The following SPINK13 variants were observed in gnomAD, a reference collection of about 807,000 sequenced individuals.
SPINK13 encodes serine protease inhibitor Kazal-type 13.
SPINK13 carries 11 observed loss-of-function variants against 11.0 expected under a neutral mutation model. The ratio of observed to expected loss-of-function variants is 1.00; its 90% CI spans 0.63 to 1.65. The LOEUF is 1.65. Among genes scored for constraint, SPINK13 ranks in the 40% most tolerant of loss-of-function variants. The pLI is 0.00. For synonymous variants in SPINK13, 31 were observed against 35.6 expected (o/e 0.87, Z 0.46); for missense variants, 113 against 117.7 (o/e 0.96, Z 0.19).
At chr5:148,279,956 T>A (rs1182204749) in intron 3 of SPINK13, among the ~76,000 whole-genome samples, 1 of 152,208 alleles carries the variant, frequency 6.6e-6, no homozygotes, top group African/African-American at 2.4e-5. Flanking sequence ...CATAGTCCCA[T>A]ATTTCTTGGA....
intron 3 of SPINK13, among the ~76,000 whole-genome samples, chr5:148,280,941 CCT>C (rs1161042342): frequency 3.9e-5 from 6 of 152,162 alleles, no homozygotes; most frequent in Admixed American, 3.3e-4. Flanking sequence ...TCTATAAGCC[CCT>C]GACTGGGGCT....
intron 2 of SPINK13, among the ~76,000 whole-genome samples, chr5:148,272,384 A>G (rs562072487): frequency 5.3e-5 from 8 of 152,162 alleles, no homozygotes; most frequent in Non-Finnish European, 8.8e-5. Flanking sequence ...AGATAATAAA[A>G]AAGTTTCAGA....
chr5:148,276,751 C>T lies in SPINK13; in HGVS notation c.108+2367C>T, dbSNP rs539534431. ...TTCTTTTTGCTTAAAATTGTCTTGG[C>T]TGTATGGGCTCTTTTTTGGTTCCAT... On this transcript the variant is annotated intron_variant, in intron 3 of 4. Transcript: ENST00000398450. Among the ~76,000 whole-genome samples the T allele has an allele frequency of 3.9e-5, 6 of 152,260 alleles. No homozygotes were observed. In the South Asian group the frequency reaches 1.2e-3, roughly 32 times the overall value.
rs186840692 is a variant in SPINK13, at chr5:148,284,648, C to A, written c.237-1352C>A. On this transcript the variant is annotated intron_variant, in intron 4 of 4. Transcript: ENST00000398450. ...CGGGGCAAGAAGAATAGTCCTAATG[C>A]TCTTTTGAACAATAGGAGGAGAAGG... Among the ~76,000 whole-genome samples, 100 of 152,216 alleles carry A rather than the reference C, an allele frequency of 6.6e-4. No individual in the cohort carries two copies. The South Asian group carries it at 7.5e-3, about 11-fold the overall frequency.
At chr5:148,281,327 G>A (rs568161821) in intron 3 of SPINK13, among the ~76,000 whole-genome samples, 66 of 151,782 alleles carry the variant, frequency 4.3e-4, no homozygotes, top group African/African-American at 1.6e-3. Flanking sequence ...GCACCCCTGG[G>A]GTATGAAAAA....
At chr5:148,278,997 G>A (rs1449710156) in intron 3 of SPINK13, among the ~76,000 whole-genome samples, 1 of 150,860 alleles carries the variant, frequency 6.6e-6, no homozygotes, top group African/African-American at 2.4e-5. Context: ...TTGTTGTATT[G>A]ATCCCTTTAC....
intron 4 of SPINK13, among the ~76,000 whole-genome samples, chr5:148,283,526 A>G (rs1047064706): frequency 2.6e-5 from 4 of 152,184 alleles, no homozygotes; most frequent in African/African-American, 7.2e-5. Context: ...AGCTTCTAGT[A>G]TCATGCTTTC....
rs1328440020 is a variant in SPINK13 at position 148,279,693 on chromosome 5, C to T, written c.109-2411C>T. On this transcript the variant is annotated intron_variant, in intron 3 of 4. Transcript: ENST00000398450. ...TCTTTCCATGGGTAAACCGACCTTT[C>T]TCTCTGGTTGCCCTTAACATTTTTT... Among the ~76,000 whole-genome samples the T allele has an allele frequency of 5.3e-5, 8 of 152,166 alleles. 1 individual carries two copies. The highest frequency in any genetic ancestry group is 5.2e-4 in the Admixed American group (8 of 15,272).
At chr5:148,274,469 C>G in intron 3 of SPINK13, 85 bp downstream of exon 3, 1 of 1,124,460 alleles carries the variant, frequency 8.9e-7, no homozygotes, top group Non-Finnish European at 1.3e-6. Context: ...CATGGAAAGT[C>G]AGGCACAGTG....
chr5:148,270,022 T>A lies in SPINK13; in HGVS notation c.-33-18T>A. The A allele has an allele frequency of 6.3e-7, 1 of 1,579,622 alleles. No homozygotes were observed. The highest frequency in any genetic ancestry group is 1.3e-5 in the African/African-American group (1 of 74,166). On this transcript the variant is annotated intron_variant, in intron 1 of 4. Coordinates refer to ENST00000398450, the MANE Select transcript of SPINK13 (RefSeq NM_001040129.3). ...TAGCTGTGGGGGAAACTAAAAACAA[T>A]CTTGGGCATGTTCACAGGCCTTATC...
intron 3 of SPINK13, among the ~76,000 whole-genome samples, chr5:148,280,768 C>A (rs1581167809): frequency 6.6e-6 from 1 of 152,180 alleles, no homozygotes; most frequent in African/African-American, 2.4e-5. Context: ...GGTCAGGGAC[C>A]CACTTGAGGA....
intron 4 of SPINK13, among the ~76,000 whole-genome samples, chr5:148,284,434 G>A (rs979653597): frequency 6.6e-6 from 1 of 152,086 alleles, no homozygotes; most frequent in Non-Finnish European, 1.5e-5. Flanking sequence ...GAGCCCTGCT[G>A]GTTAAAATAG....
At chr5:148,277,137 A>T (rs1202487226) in intron 3 of SPINK13, among the ~76,000 whole-genome samples, 1 of 152,162 alleles carries the variant, frequency 6.6e-6, no homozygotes, top group Non-Finnish European at 1.5e-5. Flanking sequence ...GTATCCTGAG[A>T]CTTTGCTGAA....
intron 2 of SPINK13, among the ~76,000 whole-genome samples, chr5:148,271,551 G>C (rs1756350498): frequency 6.6e-6 from 1 of 151,648 alleles, no homozygotes; most frequent in African/African-American, 2.4e-5. Flanking sequence ...TTTTAATATA[G>C]TCTTTTATTT....
intron 3 of SPINK13, among the ~76,000 whole-genome samples, chr5:148,280,207 C>T (rs953488537): frequency 2.6e-5 from 4 of 152,060 alleles, no homozygotes; most frequent in African/African-American, 9.7e-5. Flanking sequence ...AGGTTCTTAG[C>T]TTTCTTGCTT....
Position 148,286,189 on chromosome 5 carries a change from G to GATTA in SPINK13, c.*141_*142insATTA. On this transcript the variant is annotated 3_prime_UTR_variant, in exon 5 of 5. Coordinates refer to ENST00000398450, the MANE Select transcript of SPINK13 (RefSeq NM_001040129.3). The stretch of plus-strand genomic sequence containing the variant: ...GAACAAAATGAGAGACAAAAATGAA[G>GATTA]GAATCAAACTGACAAGAACCAAATA... The GATTA allele has an allele frequency of 2.2e-6, 1 of 451,308 alleles. No individual in the cohort carries two copies. 28.0% of individuals were successfully genotyped at this position (451,308 alleles called of 1,614,324 possible). A position where few individuals can be genotyped will look rare whatever the true frequency, so the allele number is the denominator to read the frequency against.
At chr5:148,270,451 AT>A (rs1756334147) in intron 2 of SPINK13, among the ~76,000 whole-genome samples, 1 of 152,120 alleles carries the variant, frequency 6.6e-6, no homozygotes, top group Non-Finnish European at 1.5e-5. Flanking sequence ...AAAATGATGC[AT>A]TTTCTTATGG....
intron 3 of SPINK13, among the ~76,000 whole-genome samples, chr5:148,279,659 T>C (rs1196532739): frequency 6.6e-6 from 1 of 152,252 alleles, no homozygotes; most frequent in Non-Finnish European, 1.5e-5. Context: ...ACTGTTAGTT[T>C]GATGGGCTTC....
intron 3 of SPINK13, among the ~76,000 whole-genome samples, chr5:148,276,772 T>C (rs1162425546): frequency 6.6e-6 from 1 of 152,216 alleles, no homozygotes; most frequent in African/African-American, 2.4e-5. Context: ...CTTTTTTGGT[T>C]CCATATGAAA....
Sources: gnomAD v4.1 joint callset for allele counts (sites outside exome capture counted in the v4.1 genomes callset) on GRCh38, gnomAD v4.1.1 for gene constraint, MANE v1.5 for transcripts, NCBI Gene and HGNC (gene_info 2026-07-23, HGNC 2026-07-21) for gene names.